The following TAX1BP1 variants were observed in gnomAD, a reference collection of about 807,000 sequenced individuals.
The protein encoded by TAX1BP1 is Tax1 binding protein 1, also known as tax1-binding protein 1.
Under a neutral mutation model 97.7 loss-of-function variants are expected in TAX1BP1, and 62 were observed. That is an observed-to-expected ratio of 0.63 (90% confidence interval 0.52 to 0.78). The LOEUF is 0.78. Among genes scored for constraint, TAX1BP1 ranks in the 30% least tolerant of loss-of-function variants. The pLI is 0.00. For synonymous variants in TAX1BP1, 340 were observed against 304.2 expected (o/e 1.12, Z -1.23); for missense variants, 867 against 916.1 (o/e 0.95, Z 0.69).
At chr7:27,792,263 A>C in intron 9 of TAX1BP1, 33 bp downstream of exon 9, 1 of 1,542,134 alleles carries the variant, frequency 6.5e-7, no homozygotes, top group Non-Finnish European at 8.8e-7. Flanking sequence ...TTGCATTTTG[A>C]TTTAAGAAAC....
At chr7:27,746,509 A>G (rs1787825872) in intron 1 of TAX1BP1, among the ~76,000 whole-genome samples, 1 of 151,692 alleles carries the variant, frequency 6.6e-6, no homozygotes, top group Admixed American at 6.6e-5. Flanking sequence ...AAATTAGCTC[A>G]GACAACTCAA....
chr7:27,809,766 A>G (rs988670887), intron 13 of TAX1BP1, among the ~76,000 whole-genome samples: 2 of 152,150 alleles, frequency 1.3e-5, no homozygotes, highest in African/African-American at 2.4e-5. Flanking sequence ...GCTTGACTGT[A>G]CCAATGCAGC....
At position 27,750,406 on chromosome 7, in the gene TAX1BP1, A is replaced by G. The variant is rs528914784; in HGVS notation, c.162+1720A>G. 3.3e-5 allele frequency among the ~76,000 whole-genome samples: 5 copies of G among 152,326 alleles called. No individual in the cohort carries two copies. In the South Asian group the frequency reaches 1.0e-3, roughly 32 times the overall value. On this transcript the variant is annotated intron_variant, in intron 2 of 16. Transcript: ENST00000396319. The stretch of plus-strand genomic sequence containing the variant: ...TATAATGCAAATACTCCAAAATCTG[A>G]CAGATTTAGAAATCCAAAGCACTTC...
intron 13 of TAX1BP1, among the ~76,000 whole-genome samples, chr7:27,801,890 A>G (rs1790151889): frequency 6.6e-6 from 1 of 152,216 alleles, no homozygotes; most frequent in Non-Finnish European, 1.5e-5. Context: ...CATGAATGAT[A>G]AGTTTAATTG....
chr7:27,777,724 G>A (rs981285060), intron 5 of TAX1BP1, among the ~76,000 whole-genome samples: 8 of 152,134 alleles, frequency 5.3e-5, no homozygotes, highest in African/African-American at 1.9e-4. Flanking sequence ...CCATAACTCA[G>A]GGAGACCACT....
chr7:27,765,770 A>T, intron 3 of TAX1BP1, 64 bp from the exon 4 acceptor site: 1 of 1,413,052 alleles, frequency 7.1e-7, no homozygotes, highest in Non-Finnish European at 9.8e-7. Context: ...AGTATTGTTA[A>T]ATTGAAATAA....
intron 12 of TAX1BP1, among the ~76,000 whole-genome samples, chr7:27,798,432 G>A (rs963476411): frequency 3.9e-5 from 6 of 152,152 alleles, no homozygotes; most frequent in African/African-American, 1.2e-4. Context: ...GGGAGGCCGA[G>A]GTGGGAGCAT....
chr7:27,793,658 T>TA (rs1789803224), intron 10 of TAX1BP1, among the ~76,000 whole-genome samples: 1 of 152,192 alleles, frequency 6.6e-6, no homozygotes, highest in African/African-American at 2.4e-5. Context: ...TAGGAACAGT[T>TA]AAAGAGTGTT....
chr7:27,744,846 A>G (rs912285664), intron 1 of TAX1BP1, among the ~76,000 whole-genome samples: 1 of 152,210 alleles, frequency 6.6e-6, no homozygotes, highest in East Asian at 1.9e-4. Context: ...TTTTTTATAG[A>G]CATTAATGCA....
intron 3 of TAX1BP1, among the ~76,000 whole-genome samples, chr7:27,763,156 C>G (rs998109847): frequency 6.6e-6 from 1 of 152,194 alleles, no homozygotes; most frequent in Non-Finnish European, 1.5e-5. Context: ...ATGCAAATCA[C>G]TTTGCTCATT....
chr7:27,751,411 A>G (rs906914814), intron 2 of TAX1BP1, among the ~76,000 whole-genome samples: 2 of 152,208 alleles, frequency 1.3e-5, no homozygotes, highest in African/African-American at 2.4e-5. Flanking sequence ...ATACACATGC[A>G]TAATGTGTGT....
At chr7:27,760,641 G>A (rs1788391527) in intron 3 of TAX1BP1, among the ~76,000 whole-genome samples, 1 of 152,088 alleles carries the variant, frequency 6.6e-6, no homozygotes, top group Non-Finnish European at 1.5e-5. Flanking sequence ...TGATCCGCCC[G>A]CCTCGGCTTC....
At chr7:27,791,651 C>T (rs529381574) in intron 8 of TAX1BP1, among the ~76,000 whole-genome samples, 1 of 152,194 alleles carries the variant, frequency 6.6e-6, no homozygotes, top group South Asian at 2.1e-4. Context: ...TACTGGTAGT[C>T]ATACAAAATG....
chr7:27,782,224 CT>C (rs1387765240), intron 5 of TAX1BP1, among the ~76,000 whole-genome samples: 2 of 151,584 alleles, frequency 1.3e-5, no homozygotes, highest in Non-Finnish European at 2.9e-5. Context: ...TTTTTGTTTT[CT>C]TTTCTTGTTT....
intron 5 of TAX1BP1, among the ~76,000 whole-genome samples, chr7:27,781,923 T>C (rs2128315148): frequency 6.6e-6 from 1 of 152,196 alleles, no homozygotes; most frequent in South Asian, 2.1e-4. Flanking sequence ...TTCACCATGT[T>C]GGCCAGGCTC....
intron 5 of TAX1BP1, among the ~76,000 whole-genome samples, chr7:27,773,277 T>C (rs1788911601): frequency 6.6e-6 from 1 of 152,098 alleles, no homozygotes; most frequent in South Asian, 2.1e-4. Context: ...TGATTATTTT[T>C]CAAAACAGCT....
rs941244372 is a variant in TAX1BP1, at chr7:27,776,803, C to CT, written c.612+6979dup. On this transcript the variant is annotated intron_variant, in intron 5 of 16. Coordinates refer to ENST00000396319, the MANE Select transcript of TAX1BP1 (RefSeq NM_006024.7). The stretch of plus-strand genomic sequence containing the variant: ...AAAGTTGTTTCAGAGTTCACTTGTG[C>CT]TTTTTTTTTTCACTTGTGCTTTTTT... Among the ~76,000 whole-genome samples, 391 of 138,520 alleles carry CT rather than the reference C, an allele frequency of 2.8e-3. 1 individual carries two copies. The highest frequency in any genetic ancestry group is 9.6e-3 in the African/African-American group (361 of 37,644). The allele number at this position is 138,520 out of a possible 152,430, so 90.9% of individuals were successfully genotyped here.
intron 4 of TAX1BP1, among the ~76,000 whole-genome samples, chr7:27,766,418 TCAAAAAAAAAAAAAAAAAAAAAAAAAAA>T (rs1326994764): frequency 2.8e-5 from 1 of 35,570 alleles, no homozygotes; most frequent in African/African-American, 1.3e-4. Flanking sequence ...AGACTCCGTA[TCAAAAAAAAAAAAAAAAAAAAAAAAAAA>T]AAAAAAAAAA....
chr7:27,818,387 T>G (rs1265125537), intron 15 of TAX1BP1, among the ~76,000 whole-genome samples: 1 of 152,154 alleles, frequency 6.6e-6, no homozygotes, highest in Non-Finnish European at 1.5e-5. Context: ...TTAAAAAAAA[T>G]TCTTGTTGTT....
Sources: allele counts gnomAD v4.1 joint callset (sites outside exome capture counted in the v4.1 genomes callset), GRCh38; gene constraint gnomAD v4.1.1; transcripts MANE v1.5; gene names NCBI Gene and HGNC (gene_info 2026-07-23, HGNC 2026-07-21).